The following PSD2 variants were observed in gnomAD, a reference collection of about 807,000 sequenced individuals.
PSD2 encodes PH and SEC7 domain-containing protein 2.
A neutral mutation model predicts 69.8 loss-of-function variants in PSD2; 38 were observed. The observed-to-expected ratio is 0.54, with a 90% CI of 0.42 to 0.71. The LOEUF is 0.71. Among genes scored for constraint, PSD2 ranks in the 30% least tolerant of loss-of-function variants. The probability of loss-of-function intolerance (pLI) is 0.00; values close to 1 mark genes in which losing one functional copy is unlikely to be tolerated. For missense variants in PSD2, 943 were observed against 1,014.5 expected (o/e 0.93, Z 0.96); for synonymous variants, 412 against 423.0 (o/e 0.97, Z 0.32).
intron 7 of PSD2, among the ~76,000 whole-genome samples, chr5:139,825,910 C>T (rs1219160848): frequency 1.3e-5 from 2 of 152,158 alleles, no homozygotes; most frequent in African/African-American, 4.8e-5. Flanking sequence ...TGGCCAAGTC[C>T]TGGGGCTCAG....
At chr5:139,824,184 C>T (rs1760347925) in intron 7 of PSD2, among the ~76,000 whole-genome samples, 2 of 152,312 alleles carry the variant, frequency 1.3e-5, no homozygotes, top group South Asian at 2.1e-4. Context: ...CTGGGCCTCC[C>T]TATGGCTAAG....
chr5:139,832,713 C>G (rs192309361), intron 7 of PSD2, among the ~76,000 whole-genome samples: 1 of 152,194 alleles, frequency 6.6e-6, no homozygotes, highest in Non-Finnish European at 1.5e-5. Context: ...TTAGAGCAAA[C>G]CCCAATCCAC....
chr5:139,765,607 G>C, the PSD2 span, among the ~76,000 whole-genome samples: 2 of 152,238 alleles, frequency 1.3e-5, no homozygotes, highest in African/African-American at 4.8e-5. Flanking sequence ...AAGCTCCGCC[G>C]GGCCGCAGTG....
At chr5:139,781,885 C>T in the PSD2 span, among the ~76,000 whole-genome samples, 12 of 151,692 alleles carry the variant, frequency 7.9e-5, no homozygotes, top group South Asian at 2.1e-4. Context: ...CCGCCCACCT[C>T]GGCCTCCCAA....
chr5:139,841,863 A>G (rs984127762), intron 14 of PSD2, among the ~76,000 whole-genome samples: 28 of 152,212 alleles, frequency 1.8e-4, no homozygotes, highest in African/African-American at 6.3e-4. Context: ...CTGTTGTTGC[A>G]TTCTGAGAGT....
chr5:139,766,960 T>TCTTC, the PSD2 span, among the ~76,000 whole-genome samples: 2 of 140,902 alleles, frequency 1.4e-5, no homozygotes, highest in Non-Finnish European at 3.1e-5. Flanking sequence ...TTTCTTTCTT[T>TCTTC]CTTTCTTTCT....
intron 8 of PSD2, 125 bp from the exon 9 acceptor site, chr5:139,835,598 C>A (rs141640619): frequency 2.2e-6 from 2 of 924,648 alleles, no homozygotes; most frequent in South Asian, 1.4e-5. Flanking sequence ...AAGTATGAAT[C>A]AAACACCCAC....
the PSD2 span, among the ~76,000 whole-genome samples, chr5:139,769,399 C>T: frequency 6.6e-6 from 1 of 152,092 alleles, no homozygotes; most frequent in Admixed American, 6.5e-5. Context: ...GCGATAAGTC[C>T]CAATGGAGGG....
the PSD2 span, among the ~76,000 whole-genome samples, chr5:139,770,905 T>G: frequency 6.6e-6 from 1 of 151,824 alleles, no homozygotes; most frequent in Non-Finnish European, 1.5e-5. Flanking sequence ...TGATTCTGCA[T>G]ATGAGTTAAA....
Position 139,805,964 on chromosome 5 carries a change from G to A in PSD2, c.-50-3427G>A, listed in dbSNP as rs1197607646. 2.0e-5 allele frequency among the ~76,000 whole-genome samples: 3 copies of A among 152,176 alleles called. No individual in the cohort carries two copies. In the East Asian group the frequency reaches 5.8e-4, roughly 29 times the overall value. The stretch of plus-strand genomic sequence containing the variant: ...CCAGCTGCCACAGGGAGAGTGAGGA[G>A]GGGGACAGAGTTGCTCAGGAGAGCT... On this transcript the variant is annotated intron_variant, in intron 1 of 14. Transcript: ENST00000274710.
At position 139,813,655 on chromosome 5, in the gene PSD2, C is replaced by T; in HGVS notation, c.718C>T (p.Leu240Phe). 2 of 1,613,948 alleles carry T rather than the reference C, an allele frequency of 1.2e-6. No individual in the cohort carries two copies. Among genetic ancestry groups the T allele is most frequent in the Non-Finnish European group, 1.7e-6 (2 of 1,179,972 alleles). Residue 240 changes from leucine to phenylalanine, a missense_variant, in exon 3 of 15, where the codon CTC becomes TTC. This residue lies in a region of PSD2 where 466 missense variants were observed against 445.0 expected (regional missense o/e 1.05). Transcript: ENST00000274710. The part of the protein sequence containing the change: ...RSENVLSRLS[L>F]MAMPNGFHED... ...TGAGAATGTCCTGAGCCGCCTGTCT[C>T]TCATGGCCATGCCCAATGGATTCCA... is the stretch of plus-strand genomic sequence containing the variant.
At position 139,813,182 on chromosome 5, in the gene PSD2, G is replaced by C. The variant is rs112876655; in HGVS notation, c.372-127G>C. On this transcript the variant is annotated intron_variant, in intron 2 of 14. Transcript: ENST00000274710. ...TGTGCTCAGTTAGTATTGGCTGAAG[G>C]GATAAGTGAATAGGATGGGGGAGTG... 8.5e-4 allele frequency: 604 copies of C among 708,668 alleles called. 2 individuals carry two copies. In the African/African-American group the frequency reaches 9.6e-3, roughly 11 times the overall value. The allele number at this position is 708,668 out of a possible 1,614,324, so 43.9% of individuals were successfully genotyped here.
intron 5 of PSD2, among the ~76,000 whole-genome samples, chr5:139,818,220 T>C (rs1234416556): frequency 6.6e-6 from 1 of 152,196 alleles, no homozygotes. Flanking sequence ...ACATCTTGAC[T>C]GTGTTCCACA....
chr5:139,761,962 T>C, the PSD2 span, among the ~76,000 whole-genome samples: 1 of 152,224 alleles, frequency 6.6e-6, no homozygotes, highest in Admixed American at 6.5e-5. Context: ...TTAGCCTTTC[T>C]GAGCCTCCGT....
chr5:139,801,313 C>T (rs959078940), intron 1 of PSD2, among the ~76,000 whole-genome samples: 2 of 152,140 alleles, frequency 1.3e-5, no homozygotes, highest in African/African-American at 4.8e-5. Context: ...TGACTCTACT[C>T]TTATGGGGCT....
chr5:139,778,959 AAAAG>A, the PSD2 span, among the ~76,000 whole-genome samples: 4 of 151,522 alleles, frequency 2.6e-5, no homozygotes, highest in African/African-American at 4.8e-5. Flanking sequence ...AAAAAAAAAA[AAAAG>A]AAAGAAAAAA....
At chr5:139,782,302 G>A in the PSD2 span, among the ~76,000 whole-genome samples, 2 of 152,058 alleles carry the variant, frequency 1.3e-5, no homozygotes, top group African/African-American at 2.4e-5. Context: ...TCCTGCCTCA[G>A]CCTCCCAAGT....
At chr5:139,786,570 A>G in the PSD2 span, among the ~76,000 whole-genome samples, 18 of 152,208 alleles carry the variant, frequency 1.2e-4, no homozygotes, top group Admixed American at 6.5e-5. Flanking sequence ...CCCACCCACC[A>G]TCAGTCAGTC....
the PSD2 span, among the ~76,000 whole-genome samples, chr5:139,769,882 G>T: frequency 6.6e-6 from 1 of 152,234 alleles, no homozygotes; most frequent in Admixed American, 6.5e-5. Context: ...GGTCACACAG[G>T]GCCCCATGCT....
Sources: allele counts gnomAD v4.1 joint callset (sites outside exome capture counted in the v4.1 genomes callset), GRCh38; gene constraint gnomAD v4.1.1; regional missense constraint gnomAD v4.1.1; transcripts MANE v1.5; gene names NCBI Gene and HGNC (gene_info 2026-07-23, HGNC 2026-07-21).